GEMIN7: variants seen among roughly 807,000 people sequenced by gnomAD.
GEMIN7 encodes gem-associated protein 7.
A neutral mutation model predicts 7.8 loss-of-function variants in GEMIN7; 7 were observed. The ratio of observed to expected loss-of-function variants is 0.90; its 90% CI spans 0.51 to 1.69. GEMIN7 has a LOEUF of 1.69. Among genes scored for constraint, GEMIN7 ranks in the 40% most tolerant of loss-of-function variants. The pLI, the probability that GEMIN7 is intolerant of heterozygous loss-of-function variation, is 0.00. For synonymous variants in GEMIN7, 68 were observed against 72.4 expected, an observed-to-expected ratio of 0.94 and a Z score of 0.31; for missense variants, 159 against 176.2, an observed-to-expected ratio of 0.90 and a Z score of 0.55.
chr19:45,090,805 T>TA lies in GEMIN7; in HGVS notation c.*298dup, dbSNP rs1967872048. The TA allele has an allele frequency of 1.6e-5, 6 of 369,208 alleles. No homozygotes were observed. In the Admixed American group the frequency reaches 2.5e-4, roughly 16 times the overall value. The allele number at this position is 369,208 out of a possible 1,614,324, so 22.9% of individuals were successfully genotyped here. A position where few individuals can be genotyped will look rare whatever the true frequency, so the allele number is the denominator to read the frequency against. ...AGACCGGGGCATCGGGGTGGGGTGA[T>TA]AAAGGATACAACCTGCACAGGGGGA... On this transcript the variant is annotated 3_prime_UTR_variant, in exon 3 of 3. Transcript: ENST00000270257.
chr19:45,089,613 T>C (rs1157903120), intron 2 of GEMIN7, among the ~76,000 whole-genome samples: 1 of 152,192 alleles, frequency 6.6e-6, no homozygotes, highest in Non-Finnish European at 1.5e-5. Flanking sequence ...TACAGCTCAC[T>C]GCAGCCTCCA....
At chr19:45,087,109 T>G (rs1967718676) in intron 2 of GEMIN7, among the ~76,000 whole-genome samples, 1 of 152,020 alleles carries the variant, frequency 6.6e-6, no homozygotes, top group African/African-American at 2.4e-5. Flanking sequence ...CCTCCCAAAG[T>G]GCTGGGATTA....
chr19:45,091,477 C>T lies in GEMIN7; in HGVS notation c.*967C>T, dbSNP rs1159224643. On this transcript the variant is annotated 3_prime_UTR_variant, in exon 3 of 3. Coordinates refer to ENST00000270257, the MANE Select transcript of GEMIN7 (RefSeq NM_024707.3). ...AGTTCCTTTAAGTTCAGGATGTAAGCGAAGCCTTCCATTAAGTAAAGGTGA... is the reference window on the plus strand; with the variant it reads ...AGTTCCTTTAAGTTCAGGATGTAAGTGAAGCCTTCCATTAAGTAAAGGTGA... 5 of 166,866 alleles carry T rather than the reference C, an allele frequency of 3.0e-5. No homozygotes were observed. Among genetic ancestry groups the T allele is most frequent in the Admixed American group, 6.5e-5 (1 of 15,288 alleles). The allele number at this position is 166,866 out of a possible 1,614,324, so 10.3% of individuals were successfully genotyped here.
chr19:45,077,641 G>T (rs1353462293), upstream of GEMIN7, among the ~76,000 whole-genome samples: 1 of 152,060 alleles, frequency 6.6e-6, no homozygotes, highest in East Asian at 1.9e-4. Context: ...TGTTATTCAG[G>T]TCTGGGTTCC....
upstream of GEMIN7, chr19:45,076,466 C>A: frequency 1.0e-6 from 1 of 983,682 alleles, no homozygotes; most frequent in South Asian, 5.0e-5. This position sits in a 1 kb window ranked among gnomAD's most constrained non-coding sequence, Gnocchi z 4.9. Flanking sequence ...CGTGCGCGCT[C>A]AGGTGAGTGA....
upstream of GEMIN7, chr19:45,076,469 G>A (rs1967357362): frequency 4.2e-6 from 4 of 948,568 alleles, no homozygotes; most frequent in South Asian, 1.0e-4. This position sits in a 1 kb window ranked among gnomAD's most constrained non-coding sequence, Gnocchi z 4.9. Context: ...GCGCGCTCAG[G>A]TGAGTGACTG....
At chr19:45,089,564 T>C (rs539688989) in intron 2 of GEMIN7, among the ~76,000 whole-genome samples, 1 of 152,134 alleles carries the variant, frequency 6.6e-6, no homozygotes, top group Non-Finnish European at 1.5e-5. Flanking sequence ...AGAGACAGTG[T>C]CTCACTCTGT....
chr19:45,079,856 GTA>G (rs1312133469), intron 1 of GEMIN7, 49 bp from the exon 2 acceptor site: 8 of 152,148 alleles, frequency 5.3e-5, no homozygotes, highest in South Asian at 2.1e-4. Context: ...GATGATGTCT[GTA>G]TGTGTGTGTG....
At chr19:45,084,558 A>G (rs1419688409) in intron 2 of GEMIN7, among the ~76,000 whole-genome samples, 1 of 151,808 alleles carries the variant, frequency 6.6e-6, no homozygotes. Context: ...GTGTGCCACC[A>G]TGCCTGGCTA....
chr19:45,080,374 A>ATT (rs765472967), intron 2 of GEMIN7, among the ~76,000 whole-genome samples: 60 of 134,870 alleles, frequency 4.4e-4, no homozygotes, highest in South Asian at 7.1e-4. Flanking sequence ...CAAGGAAATG[A>ATT]TTTTTTTTTT....
At chr19:45,077,859 T>A (rs1452820899), upstream of GEMIN7, among the ~76,000 whole-genome samples, 1 of 151,368 alleles carries the variant, frequency 6.6e-6, no homozygotes, top group Non-Finnish European at 1.5e-5. Flanking sequence ...CCTCCTCTGA[T>A]CACCCTTTTT....
chr19:45,081,524 GAAAA>G (rs11292380), intron 2 of GEMIN7, among the ~76,000 whole-genome samples: 2 of 144,500 alleles, frequency 1.4e-5, no homozygotes, highest in Non-Finnish European at 3.0e-5. Flanking sequence ...TCCCTGTCAG[GAAAA>G]AAAAAAAAAA....
Position 45,090,180 on chromosome 19 carries a change from C to T in GEMIN7, c.66C>T (p.Ser22=). 1 of 1,614,194 alleles carries T rather than the reference C, an allele frequency of 6.2e-7. No individual in the cohort carries two copies. Among genetic ancestry groups the T allele is most frequent in the East Asian group, 2.2e-5 (1 of 44,894 alleles). The change falls in exon 3 of 3, where the codon AGC becomes AGT. Residue 22 remains serine, a synonymous_variant. Transcript: ENST00000270257. ...LRLPRGPDGF[S]RGFAPDGRRA... ...TGCCCCGGGGCCCTGATGGCTTCAG[C>T]CGTGGCTTTGCCCCTGATGGACGCA...
Position 45,083,659 on chromosome 19 carries a change from G to A in GEMIN7, c.-9+3630G>A, listed in dbSNP as rs906277505. 4.3e-5 allele frequency among the ~76,000 whole-genome samples: 6 copies of A among 139,812 alleles called. No homozygotes were observed. In the Admixed American group the frequency reaches 4.6e-4, roughly 11 times the overall value. The allele number at this position is 139,812 out of a possible 152,430, so 91.7% of individuals were successfully genotyped here. On this transcript the variant is annotated intron_variant, in intron 2 of 2. Coordinates refer to ENST00000270257, the MANE Select transcript of GEMIN7 (RefSeq NM_024707.3). The stretch of plus-strand genomic sequence containing the variant: ...ACTCTTCCCAGGCTGGAGTGCAGTG[G>A]TGCAATCACATCTCACTGCAGCCTC...
upstream of GEMIN7, among the ~76,000 whole-genome samples, chr19:45,077,927 G>T (rs1043479304): frequency 2.7e-5 from 4 of 150,872 alleles, no homozygotes; most frequent in African/African-American, 9.8e-5. Flanking sequence ...ACAGGGACTC[G>T]CTTTGTTGCC....
chr19:45,086,375 T>A (rs1223564303), intron 2 of GEMIN7, among the ~76,000 whole-genome samples: 2 of 152,112 alleles, frequency 1.3e-5, no homozygotes. Flanking sequence ...CCTCACTAGG[T>A]TTAGAGAGGA....
intron 2 of GEMIN7, among the ~76,000 whole-genome samples, chr19:45,086,403 G>T (rs1967689983): frequency 6.6e-6 from 1 of 152,174 alleles, no homozygotes; most frequent in Non-Finnish European, 1.5e-5. Flanking sequence ...AAGCCACAGG[G>T]AGTGGTGCAG....
At chr19:45,079,585 G>C (rs1967429319) in intron 1 of GEMIN7, among the ~76,000 whole-genome samples, 1 of 152,256 alleles carries the variant, frequency 6.6e-6, no homozygotes. Flanking sequence ...GCTTTACCTG[G>C]AGCGGAATCG....
chr19:45,082,909 C>T (rs950692013), intron 2 of GEMIN7, among the ~76,000 whole-genome samples: 13 of 151,842 alleles, frequency 8.6e-5, no homozygotes, highest in Non-Finnish European at 2.9e-5. Context: ...TTGTGAGCCA[C>T]CGCACCTGGC....
Sources: allele counts gnomAD v4.1 joint callset (sites outside exome capture counted in the v4.1 genomes callset), GRCh38; gene constraint gnomAD v4.1.1; non-coding constraint Gnocchi (gnomAD v3.1); transcripts MANE v1.5; gene names NCBI Gene and HGNC (gene_info 2026-07-23, HGNC 2026-07-21).